Variants in LRCOL1 observed in about 807,000 individuals in gnomAD.
LRCOL1 encodes leucine-rich colipase-like protein 1.
In LRCOL1, 21 loss-of-function variants were observed where a neutral mutation model predicts 21.6. The ratio of observed to expected loss-of-function variants is 0.97; its 90% CI spans 0.69 to 1.40. The LOEUF (loss-of-function observed/expected upper bound fraction) is 1.40. LRCOL1 is among the 40% of genes most tolerant of loss of function. LRCOL1 has a pLI of 0.00. For synonymous variants in LRCOL1, 98 were observed against 90.1 expected (o/e 1.09, Z -0.49); for missense variants, 198 against 202.3 (o/e 0.98, Z 0.13).
In LRCOL1 at chr12:132,606,055, G is replaced by A. The variant is rs974841292; in HGVS notation, c.105+92C>T. On this transcript the variant is annotated intron_variant, in intron 2 of 5. Transcript: ENST00000376608. The surrounding 1 kb of genome is among the most constrained non-coding windows in gnomAD (Gnocchi z 4.6). Reference sequence around the variant, plus strand: ...CCTGACGGAAAGTGGCAGCCCTCGCGGGTGGGGACTGCAAGGGCCTCAGGG... The same window carrying A: ...CCTGACGGAAAGTGGCAGCCCTCGCAGGTGGGGACTGCAAGGGCCTCAGGG... The A allele has an allele frequency of 1.5e-4, 181 of 1,201,954 alleles. No homozygotes were observed. The East Asian group carries it at 4.1e-3, about 27-fold the overall frequency. The allele number at this position is 1,201,954 out of a possible 1,614,324, so 74.5% of individuals were successfully genotyped here.
rs112556417 is a variant in LRCOL1, at chr12:132,606,054, C to T, written c.105+93G>A. On this transcript the variant is annotated intron_variant, in intron 2 of 5. Coordinates refer to ENST00000376608, the MANE Select transcript of LRCOL1 (RefSeq NM_001195520.2). This position sits in a 1 kb window ranked among gnomAD's most constrained non-coding sequence, Gnocchi z 4.6. ...TCCTGACGGAAAGTGGCAGCCCTCG[C>T]GGGTGGGGACTGCAAGGGCCTCAGG... 1.1e-4 allele frequency: 134 copies of T among 1,206,214 alleles called. No individual in the cohort carries two copies. The highest frequency in any genetic ancestry group is 4.4e-4 in the Middle Eastern group (2 of 4,560). 74.7% of individuals were successfully genotyped at this position (1,206,214 alleles called of 1,614,324 possible). A position where few individuals can be genotyped will look rare whatever the true frequency, so the allele number is the denominator to read the frequency against.
At position 132,604,506 on chromosome 12, in the gene LRCOL1, A is replaced by C. The variant is rs1044259264; in HGVS notation, c.310T>G (p.Cys104Gly). The part of the protein sequence containing the change: ...CVRNNSPQEL[C>G]TPQSVFLQCV... ...TGCAGGAAGACGCTTTGGGGCGTGCACAACTCCTGCGGGCTGTTGTTGCGG... is the reference window on the plus strand; with the variant it reads ...TGCAGGAAGACGCTTTGGGGCGTGCCCAACTCCTGCGGGCTGTTGTTGCGG... The change falls in exon 4 of 6, where the codon TGC becomes GGC. Residue 104 changes from cysteine (C) to glycine (G), a missense_variant. Physicochemically the swap from Cys to Gly is radical, Grantham distance 159. Coordinates refer to ENST00000376608, the MANE Select transcript of LRCOL1 (RefSeq NM_001195520.2). The C allele has an allele frequency of 6.5e-7, 1 of 1,536,184 alleles. No individual in the cohort carries two copies. The highest frequency in any genetic ancestry group is 8.7e-7 in the Non-Finnish European group (1 of 1,146,892).
intron 2 of LRCOL1, chr12:132,605,264 A>C: frequency 3.0e-6 from 1 of 332,836 alleles, no homozygotes; most frequent in African/African-American, 2.2e-5. Flanking sequence ...ACCCACACAC[A>C]CGCAAGGTGC....
rs1008461576 is a variant in LRCOL1 at position 132,603,492 on chromosome 12, A to G, written c.478-88T>C. On this transcript the variant is annotated intron_variant, in intron 5 of 5. Transcript: ENST00000376608. ...GAGGACGGGAACCCGGGGCCACAGC[A>G]TCTCCCGGCACCAGCCTCGTGGGGG... is the stretch of plus-strand genomic sequence containing the variant. The G allele has an allele frequency of 7.2e-5, 110 of 1,535,118 alleles. No individual in the cohort carries two copies. In the Middle Eastern group the frequency reaches 1.9e-3, roughly 26 times the overall value.
In LRCOL1 at chr12:132,606,770, G is replaced by A. The variant is rs1019779652; in HGVS notation, c.-13-506C>T. ...TTGGTTTTGCCTTCTCCAGAATCCCGTTTGGTTGGAATCGGTCTGTAGCCT... is the reference window on the plus strand; with the variant it reads ...TTGGTTTTGCCTTCTCCAGAATCCCATTTGGTTGGAATCGGTCTGTAGCCT... On this transcript the variant is annotated intron_variant, in intron 1 of 5. Transcript: ENST00000376608. The surrounding 1 kb of genome is among the most constrained non-coding windows in gnomAD (Gnocchi z 4.6). Among the ~76,000 whole-genome samples, 8 of 152,104 alleles carry A rather than the reference G, an allele frequency of 5.3e-5. No individual in the cohort carries two copies. The highest frequency in any genetic ancestry group is 2.6e-4 in the Admixed American group (4 of 15,278).
chr12:132,606,175 G>A lies in LRCOL1; in HGVS notation c.77C>T (p.Pro26Leu). 2 of 1,536,462 alleles carry A rather than the reference G, an allele frequency of 1.3e-6. No homozygotes were observed. Among genetic ancestry groups the A allele is most frequent in the South Asian group, 2.4e-5 (2 of 84,060 alleles). Reference sequence around the variant, plus strand: ...ATGGGACAGGTTCAACTTCTTCTGTGGCCCATACCCTGCCATGGACCCCAG... The same window carrying A: ...ATGGGACAGGTTCAACTTCTTCTGTAGCCCATACCCTGCCATGGACCCCAG... ...LLLGSMAGYG[P>L]QKKLNLSHKG... is the part of the protein sequence containing the mutation. The change falls in exon 2 of 6, where the codon CCA becomes CTA. Residue 26 changes from proline to leucine, a missense_variant. Physicochemically the swap from Pro to Leu is moderately conservative, Grantham distance 98. Transcript: ENST00000376608. The surrounding 1 kb of genome is among the most constrained non-coding windows in gnomAD (Gnocchi z 4.6).
rs1422086196 is a variant in LRCOL1, at chr12:132,603,318, C to A, written c.*84G>T. 13 of 1,523,496 alleles carry A rather than the reference C, an allele frequency of 8.5e-6. No individual in the cohort carries two copies. The Admixed American group carries it at 2.2e-4, about 25-fold the overall frequency. 94.4% of individuals were successfully genotyped at this position (1,523,496 alleles called of 1,614,324 possible). ...GCACAAACCGTAAGGGAAGCTTCCG[C>A]TGGAACCAGCCCCCGCGCAACGCGG... On this transcript the variant is annotated 3_prime_UTR_variant, in exon 6 of 6. Coordinates refer to ENST00000376608, the MANE Select transcript of LRCOL1 (RefSeq NM_001195520.2).
At chr12:132,604,195 C>A in intron 5 of LRCOL1, 59 bp downstream of exon 5, 1 of 1,485,292 alleles carries the variant, frequency 6.7e-7, no homozygotes, top group Admixed American at 2.2e-5. Flanking sequence ...TGTTTCTGTG[C>A]GACTTCCCTG....
At position 132,604,544 on chromosome 12, in the gene LRCOL1, C is replaced by T. The variant is rs2041277013; in HGVS notation, c.272G>A (p.Ser91Asn). The T allele has an allele frequency of 6.5e-7, 1 of 1,536,144 alleles. No individual in the cohort carries two copies. Among genetic ancestry groups the T allele is most frequent in the Non-Finnish European group, 8.7e-7 (1 of 1,146,880 alleles). ...GCTGTTGTTGCGGACGCAGCAGCTGCTCTGGCACTCTGAGTCGTGCGAGCA... is the reference window on the plus strand; with the variant it reads ...GCTGTTGTTGCGGACGCAGCAGCTGTTCTGGCACTCTGAGTCGTGCGAGCA... ...YRCSHDSECQ[S>N]SCCVRNNSPQ... Residue 91 changes from serine (S) to asparagine (N), a missense_variant, in exon 4 of 6, where the codon AGC (serine) becomes AAC (asparagine). By Grantham distance (46) the Ser-to-Asn change is conservative. Coordinates refer to ENST00000376608, the MANE Select transcript of LRCOL1 (RefSeq NM_001195520.2).
At chr12:132,609,557 T>A (rs547584302) in intron 1 of LRCOL1, among the ~76,000 whole-genome samples, 1 of 152,136 alleles carries the variant, frequency 6.6e-6, no homozygotes, top group South Asian at 2.1e-4. Context: ...ATTAGCTGGG[T>A]GTGGTGGTGC....
Position 132,604,370 on chromosome 12 carries a change from C to A in LRCOL1, c.361G>T (p.Gly121Cys). 6.5e-7 allele frequency: 1 copy of A among 1,535,534 alleles called. No individual in the cohort carries two copies. Among genetic ancestry groups the A allele is most frequent in the Non-Finnish European group, 8.7e-7 (1 of 1,146,606 alleles). Residue 121 changes from glycine (G) to cysteine (C), a missense_variant, in exon 5 of 6, where the codon GGC becomes TGC. Physicochemically the swap from Gly to Cys is radical, Grantham distance 159. Coordinates refer to ENST00000376608, the MANE Select transcript of LRCOL1 (RefSeq NM_001195520.2). ...TCCTGATGGCTGCTGCAGAAGTCGCCGTTGGGCTGGGGAGGCAGCCAGGCA... is the reference window on the plus strand; with the variant it reads ...TCCTGATGGCTGCTGCAGAAGTCGCAGTTGGGCTGGGGAGGCAGCCAGGCA... ...LQCVPWRKPN[G>C]DFCSSHQECH...
intron 2 of LRCOL1, among the ~76,000 whole-genome samples, chr12:132,605,600 G>A (rs1250156732): frequency 7.3e-5 from 11 of 151,708 alleles, no homozygotes; most frequent in African/African-American, 1.5e-4. Context: ...GTGGTGGCGC[G>A]CGCCTGTAAT....
At position 132,603,330 on chromosome 12, in the gene LRCOL1, C is replaced by G; in HGVS notation, c.*72G>C. Reference sequence around the variant, plus strand: ...AGGGAAGCTTCCGCTGGAACCAGCCCCCGCGCAACGCGGTCCTGCGTGAAC... The same window carrying G: ...AGGGAAGCTTCCGCTGGAACCAGCCGCCGCGCAACGCGGTCCTGCGTGAAC... On this transcript the variant is annotated 3_prime_UTR_variant, in exon 6 of 6. Transcript: ENST00000376608. 2.6e-6 allele frequency: 4 copies of G among 1,531,218 alleles called. No individual in the cohort carries two copies. Among genetic ancestry groups the G allele is most frequent in the Non-Finnish European group, 3.5e-6 (4 of 1,142,918 alleles). The allele number at this position is 1,531,218 out of a possible 1,614,324, so 94.9% of individuals were successfully genotyped here.
chr12:132,609,275 C>T (rs773737866), intron 1 of LRCOL1, among the ~76,000 whole-genome samples: 7 of 152,150 alleles, frequency 4.6e-5, no homozygotes, highest in Non-Finnish European at 8.8e-5. Context: ...GTGCCCAGGG[C>T]AGGTGGGGGT....
Position 132,606,119 on chromosome 12 carries a change from A to T in LRCOL1, c.105+28T>A. 2 of 1,532,246 alleles carry T rather than the reference A, an allele frequency of 1.3e-6. No individual in the cohort carries two copies. Among genetic ancestry groups the T allele is most frequent in the Non-Finnish European group, 1.7e-6 (2 of 1,143,536 alleles). The allele number at this position is 1,532,246 out of a possible 1,614,324, so 94.9% of individuals were successfully genotyped here. A position where few individuals can be genotyped will look rare whatever the true frequency, so the allele number is the denominator to read the frequency against. ...ACCTTATGGCGCGTGTGGGGCCTGC[A>T]GGGGCATCAGGGGTGCCCGGCACCC... On this transcript the variant is annotated intron_variant, in intron 2 of 5. Coordinates refer to ENST00000376608, the MANE Select transcript of LRCOL1 (RefSeq NM_001195520.2). The surrounding 1 kb of genome is among the most constrained non-coding windows in gnomAD (Gnocchi z 4.6).
Position 132,606,635 on chromosome 12 carries a change from C to T in LRCOL1, c.-13-371G>A, listed in dbSNP as rs2041313585. Among the ~76,000 whole-genome samples, 1 of 152,084 alleles carries T rather than the reference C, an allele frequency of 6.6e-6. No homozygotes were observed. Among genetic ancestry groups the T allele is most frequent in the South Asian group, 2.1e-4 (1 of 4,820 alleles). Reference sequence around the variant, plus strand: ...TTGGGTGAGTGCGTTCTCATAACTGCCATTTCAGTATCCTGCAAAGCCGAT... The same window carrying T: ...TTGGGTGAGTGCGTTCTCATAACTGTCATTTCAGTATCCTGCAAAGCCGAT... On this transcript the variant is annotated intron_variant, in intron 1 of 5. Coordinates refer to ENST00000376608, the MANE Select transcript of LRCOL1 (RefSeq NM_001195520.2). This position sits in a 1 kb window ranked among gnomAD's most constrained non-coding sequence, Gnocchi z 4.6.
At chr12:132,608,010 T>G (rs531182731) in intron 1 of LRCOL1, among the ~76,000 whole-genome samples, 1 of 152,208 alleles carries the variant, frequency 6.6e-6, no homozygotes, top group South Asian at 2.1e-4. Context: ...TCTCTGTCTC[T>G]CTCTGTCTCT....
chr12:132,603,588 G>A, intron 5 of LRCOL1, 184 bp from the exon 6 acceptor site: 2 of 984,712 alleles, frequency 2.0e-6, no homozygotes, highest in South Asian at 4.7e-5. Flanking sequence ...CGCGCCAGGC[G>A]CCCGGAGCTG....
chr12:132,607,004 G>A (rs978470670), intron 1 of LRCOL1, among the ~76,000 whole-genome samples: 4 of 152,228 alleles, frequency 2.6e-5, no homozygotes, highest in Admixed American at 1.3e-4. Context: ...TGCTGTGAGC[G>A]GGAGCGGGGG....
Sources: gnomAD v4.1 joint callset for allele counts (sites outside exome capture counted in the v4.1 genomes callset) on GRCh38, gnomAD v4.1.1 for gene constraint, Gnocchi (gnomAD v3.1) non-coding constraint, MANE v1.5 for transcripts, NCBI Gene and HGNC (gene_info 2026-07-23, HGNC 2026-07-21) for gene names.